Variants in CCNL2 observed in about 807,000 individuals in gnomAD.
CCNL2 encodes the protein cyclin L2.
CCNL2 carries 28 observed loss-of-function variants against 59.1 expected under a neutral mutation model. The observed-to-expected ratio is 0.47, with a 90% CI of 0.35 to 0.65. CCNL2 has a LOEUF of 0.65. Among genes scored for constraint, CCNL2 ranks in the 30% least tolerant of loss-of-function variants. The probability of loss-of-function intolerance (pLI) is 0.00; values close to 1 mark genes in which losing one functional copy is unlikely to be tolerated. For missense variants in CCNL2, 714 were observed against 717.4 expected (o/e 1.00, Z 0.05); for synonymous variants, 342 against 288.6 (o/e 1.19, Z -1.88).
At position 1,387,943 on chromosome 1, in the gene CCNL2, T is replaced by C. The variant is rs762110584; in HGVS notation, c.1118+11A>G. On this transcript the variant is annotated intron_variant, in intron 9 of 10. Coordinates refer to ENST00000400809, the MANE Select transcript of CCNL2 (RefSeq NM_030937.6). ...ACCCTGACAGCCACCTGGGCAGCCC[T>C]GGGGTCCTACCCGTTCACGGGGCTG... 5.0e-6 allele frequency: 8 copies of C among 1,613,056 alleles called. No individual in the cohort carries two copies. Among genetic ancestry groups the C allele is most frequent in the Non-Finnish European group, 6.8e-6 (8 of 1,179,276 alleles).
At position 1,387,996 on chromosome 1, in the gene CCNL2, A is replaced by G. The variant is rs1369717774; in HGVS notation, c.1076T>C (p.Leu359Pro). The change falls in exon 9 of 11, where the codon CTG becomes CCG. Residue 359 changes from leucine (L) to proline (P), a missense_variant. By Grantham distance (98) the Leu-to-Pro change is moderately conservative (BLOSUM62 -3). Transcript: ENST00000400809. Reference protein sequence around the residue: ...PLSVKNTKRRLEGAKKAKADS... With the variant: ...PLSVKNTKRRPEGAKKAKADS... The stretch of plus-strand genomic sequence containing the variant: ...CGCCTTGGCTTTCTTGGCGCCCTCC[A>G]GCCTCCTCTTGGTGTTCTTCACAGA... 6.2e-7 allele frequency: 1 copy of G among 1,614,062 alleles called. No homozygotes were observed. Among genetic ancestry groups the G allele is most frequent in the Non-Finnish European group, 8.5e-7 (1 of 1,180,020 alleles).
chr1:1,394,057 C>A (rs142895505), intron 4 of CCNL2, among the ~76,000 whole-genome samples: 2 of 150,270 alleles, frequency 1.3e-5, no homozygotes, highest in African/African-American at 4.9e-5. Flanking sequence ...AACCAGGAGG[C>A]GGAGGCTGCA....
chr1:1,395,173 C>T (rs1266946031), intron 4 of CCNL2: 5 of 472,616 alleles, frequency 1.1e-5, no homozygotes, highest in African/African-American at 1.9e-5. Flanking sequence ...TAAATAATAC[C>T]ATTTCCAAAA....
rs1215265521 is a variant in CCNL2 at position 1,398,633 on chromosome 1, G to A, written c.327C>T (p.Phe109=). Residue 109 remains phenylalanine, a synonymous_variant, in exon 2 of 11, where the codon TTC becomes TTT. Coordinates refer to ENST00000400809, the MANE Select transcript of CCNL2 (RefSeq NM_030937.6). ...MATGQVLFQR[F]FYTKSFVKHS... The stretch of plus-strand genomic sequence containing the variant: ...GCTTCACGAAGGACTTGGTATAAAA[G>A]AACCGCTGGAACAACACCTGCCCGG... The A allele has an allele frequency of 1.9e-6, 3 of 1,613,912 alleles. No individual in the cohort carries two copies. Among genetic ancestry groups the A allele is most frequent in the African/African-American group, 1.3e-5 (1 of 74,940 alleles).
Position 1,398,994 on chromosome 1 carries a change from C to G in CCNL2, c.288+25G>C, listed in dbSNP as rs762688792. On this transcript the variant is annotated intron_variant, in intron 1 of 10. Coordinates refer to ENST00000400809, the MANE Select transcript of CCNL2 (RefSeq NM_030937.6). ...CTGCCGCCCCAGCGGTTACCTGGGC[C>G]GGAGGCTCGCGGCCGCGCCCTCACC... 13 of 1,573,792 alleles carry G rather than the reference C, an allele frequency of 8.3e-6. No homozygotes were observed. The East Asian group carries it at 2.2e-4, about 26-fold the overall frequency.
At chr1:1,388,432 A>C in intron 8 of CCNL2, 1 of 432,576 alleles carries the variant, frequency 2.3e-6, no homozygotes, top group South Asian at 1.7e-5. Context: ...GAAGCAGAAG[A>C]ATCGCTTGGA....
In CCNL2 at chr1:1,392,449, C is replaced by T. The variant is rs558118999; in HGVS notation, c.659+947G>A. ...ATCATGACATAACCCCACACTGACA[C>T]AGCCAATTTGTCTCTTCAATTCTCA... On this transcript the variant is annotated intron_variant, in intron 5 of 10. Coordinates refer to ENST00000400809, the MANE Select transcript of CCNL2 (RefSeq NM_030937.6). The T allele has an allele frequency of 9.8e-5, 118 of 1,199,474 alleles. No homozygotes were observed. The African/African-American group carries it at 1.5e-3, about 15-fold the overall frequency. 74.3% of individuals were successfully genotyped at this position (1,199,474 alleles called of 1,614,324 possible).
intron 8 of CCNL2, among the ~76,000 whole-genome samples, 199 bp downstream of exon 8, chr1:1,390,031 T>C (rs1219032032): frequency 1.3e-5 from 2 of 149,192 alleles, no homozygotes; most frequent in African/African-American, 5.0e-5. Context: ...GGTGGGAGGA[T>C]CACTTGAATC....
rs147904547 is a variant in CCNL2, at chr1:1,390,467, G to T, written c.856C>A (p.Arg286=). Residue 286 remains arginine, a synonymous_variant, in exon 7 of 11, where the codon CGG becomes AGG. Coordinates refer to ENST00000400809, the MANE Select transcript of CCNL2 (RefSeq NM_030937.6). ...AAAAAATGCCGAAGAACCTTTTTCC[G>T]AGCATAAAGCTGCAAGATCTTTAAG... The part of the protein sequence containing the change: ...ICLKILQLYA[R]KKVDLTHLEG... 5.5e-5 allele frequency: 89 copies of T among 1,612,560 alleles called. No homozygotes were observed. In the African/African-American group the frequency reaches 8.7e-4, roughly 16 times the overall value.
chr1:1,387,609 C>G, intron 10 of CCNL2, 27 bp from the exon 11 acceptor site: 1 of 1,466,634 alleles, frequency 6.8e-7, no homozygotes, highest in Non-Finnish European at 9.1e-7. Context: ...CACCACCACA[C>G]GTGTGACCAT....
rs1432246987 is a variant in CCNL2 at position 1,386,128 on chromosome 1, C to A, written c.*1103G>T. ...ATGACAGTGGGGGGCACTCAGAGTG[C>A]AGGTGCCACCCCCGTGGGGTGACCC... is the stretch of plus-strand genomic sequence containing the variant. On this transcript the variant is annotated 3_prime_UTR_variant, in exon 11 of 11. Transcript: ENST00000400809. The A allele has an allele frequency of 6.6e-6, 1 of 152,252 alleles. No homozygotes were observed. Among genetic ancestry groups the A allele is most frequent in the Non-Finnish European group, 1.5e-5 (1 of 68,062 alleles). 9.4% of individuals were successfully genotyped at this position (152,252 alleles called of 1,614,324 possible).
rs1455381369 is a variant in CCNL2, at chr1:1,390,879, A to G, written c.660-14T>C. On this transcript the variant is annotated splice_polypyrimidine_tract_variant and intron_variant, in intron 5 of 10. Coordinates refer to ENST00000400809, the MANE Select transcript of CCNL2 (RefSeq NM_030937.6). The stretch of plus-strand genomic sequence containing the variant: ...TTCATGTAATTCCTGGAAGCCAAAC[A>G]CAGGAAGAACTGCAATGCCCCACCC... The G allele has an allele frequency of 1.2e-6, 2 of 1,607,418 alleles. No homozygotes were observed. Among genetic ancestry groups the G allele is most frequent in the South Asian group, 2.2e-5 (2 of 90,942 alleles).
chr1:1,387,183 G>A lies in CCNL2; in HGVS notation c.*48C>T. ...CCGGGGGTCAAAGGGCAGCCATCAG[G>A]TACTCCCCAGGGAAGGGCTTGCGGC... is the stretch of plus-strand genomic sequence containing the variant. On this transcript the variant is annotated 3_prime_UTR_variant, in exon 11 of 11. Coordinates refer to ENST00000400809, the MANE Select transcript of CCNL2 (RefSeq NM_030937.6). 1 of 1,493,602 alleles carries A rather than the reference G, an allele frequency of 6.7e-7. No individual in the cohort carries two copies. The highest frequency in any genetic ancestry group is 9.1e-7 in the Non-Finnish European group (1 of 1,096,726). The allele number at this position is 1,493,602 out of a possible 1,614,324, so 92.5% of individuals were successfully genotyped here. A position where few individuals can be genotyped will look rare whatever the true frequency, so the allele number is the denominator to read the frequency against.
Position 1,386,336 on chromosome 1 carries a change from C to T in CCNL2, c.*895G>A, listed in dbSNP as rs138579295. ...AGGACTCAGGCCCCTCACAAGCCTT[C>T]GGCAGAAGGGCAGGCACACAGGATT... On this transcript the variant is annotated 3_prime_UTR_variant, in exon 11 of 11. Coordinates refer to ENST00000400809, the MANE Select transcript of CCNL2 (RefSeq NM_030937.6). The T allele has an allele frequency of 2.0e-5, 3 of 152,378 alleles. No individual in the cohort carries two copies. Among genetic ancestry groups the T allele is most frequent in the East Asian group, 1.9e-4 (1 of 5,180 alleles). 9.4% of individuals were successfully genotyped at this position (152,378 alleles called of 1,614,324 possible).
chr1:1,390,351 C>T lies in CCNL2; in HGVS notation c.885G>A (p.Glu295=). 6.2e-7 allele frequency: 1 copy of T among 1,613,700 alleles called. No homozygotes were observed. The highest frequency in any genetic ancestry group is 8.5e-7 in the Non-Finnish European group (1 of 1,179,652). Residue 295 remains glutamate (E), a synonymous_variant, in exon 8 of 11, where the codon GAG becomes GAA. Transcript: ENST00000400809. ...ARKKVDLTHL[E]GEVEKRKHAI... is the part of the protein sequence containing the mutation. ...CGTGCTTTCTTTTTTCCACTTCACCCTCCAGGTGTGTGAGATCAACCTGCA... is the reference window on the plus strand; with the variant it reads ...CGTGCTTTCTTTTTTCCACTTCACCTTCCAGGTGTGTGAGATCAACCTGCA...
At position 1,390,829 on chromosome 1, in the gene CCNL2, G is replaced by C. The variant is rs763255792; in HGVS notation, c.696C>G (p.Phe232Leu). The change falls in exon 6 of 11, where the codon TTC becomes TTG. Residue 232 changes from phenylalanine (F) to leucine (L), a missense_variant. By Grantham distance (22) the Phe-to-Leu change is conservative (BLOSUM62 0). Coordinates refer to ENST00000400809, the MANE Select transcript of CCNL2 (RefSeq NM_030937.6). Reference protein sequence around the residue: ...YMNDSLRTDVFVRFQPESIAC... With the variant: ...YMNDSLRTDVLVRFQPESIAC... Reference sequence around the variant, plus strand: ...CGATGCTCTCTGGCTGGAACCGCACGAAGACGTCGGTGCGAAGGCTGTCGT... The same window carrying C: ...CGATGCTCTCTGGCTGGAACCGCACCAAGACGTCGGTGCGAAGGCTGTCGT... 6.2e-7 allele frequency: 1 copy of C among 1,614,030 alleles called. No individual in the cohort carries two copies. The highest frequency in any genetic ancestry group is 8.5e-7 in the Non-Finnish European group (1 of 1,180,030).
Position 1,390,372 on chromosome 1 carries a change from C to T in CCNL2, c.865-1G>A. 6.2e-7 allele frequency: 1 copy of T among 1,612,218 alleles called. No individual in the cohort carries two copies. The highest frequency in any genetic ancestry group is 8.5e-7 in the Non-Finnish European group (1 of 1,178,404). On this transcript the variant is annotated splice_acceptor_variant, in intron 7 of 10. Coordinates refer to ENST00000400809, the MANE Select transcript of CCNL2 (RefSeq NM_030937.6). LOFTEE classifies it high-confidence loss of function. ...CACCCTCCAGGTGTGTGAGATCAAC[C>T]TGCAAAAGCCAGAAGGTGTCCGTTC...
intron 8 of CCNL2, chr1:1,389,537 C>G (rs1447887578): frequency 1.3e-5 from 2 of 152,160 alleles, no homozygotes; most frequent in African/African-American, 4.8e-5. Flanking sequence ...TGCTAATCAA[C>G]AGAAAGGCCA....
Position 1,391,507 on chromosome 1 carries a change from G to A in CCNL2, c.660-642C>T, listed in dbSNP as rs527242057. 2.4e-5 allele frequency: 31 copies of A among 1,300,486 alleles called. No homozygotes were observed. In the East Asian group the frequency reaches 4.5e-4, roughly 19 times the overall value. 80.6% of individuals were successfully genotyped at this position (1,300,486 alleles called of 1,614,324 possible). On this transcript the variant is annotated intron_variant, in intron 5 of 10. Coordinates refer to ENST00000400809, the MANE Select transcript of CCNL2 (RefSeq NM_030937.6). ...GGAGCATCGTGCGGAGGGAGACTCC[G>A]CACCCAAGGGCAGGCCTCTTCTCGG...
Sources: gnomAD v4.1 joint callset for allele counts (sites outside exome capture counted in the v4.1 genomes callset) on GRCh38, gnomAD v4.1.1 for gene constraint, MANE v1.5 for transcripts, NCBI Gene and HGNC (gene_info 2026-07-23, HGNC 2026-07-21) for gene names.